Variants in GLOD4 observed in about 807,000 individuals in gnomAD.
GLOD4 encodes glyoxalase domain containing 4, also known as glyoxalase domain-containing protein 4.
A neutral mutation model predicts 39.1 loss-of-function variants in GLOD4; 44 were observed. The observed-to-expected ratio is 1.13, with a 90% CI of 0.88 to 1.45. The LOEUF is 1.45. Ranked by LOEUF, GLOD4 falls within the 40% of genes most tolerant of loss-of-function variation. The pLI is 0.00. For synonymous variants in GLOD4, 145 were observed against 135.0 expected, an observed-to-expected ratio of 1.07 and a Z score of -0.52; for missense variants, 405 against 366.4, an observed-to-expected ratio of 1.11 and a Z score of -0.86.
chr17:761,749 C>T (rs1430495574), intron 8 of GLOD4, among the ~76,000 whole-genome samples: 1 of 152,202 alleles, frequency 6.6e-6, no homozygotes, highest in Non-Finnish European at 1.5e-5. Flanking sequence ...GGTGAGCCAC[C>T]CGCCTTGGTC....
chr17:776,141 G>A (rs149924152), intron 3 of GLOD4, among the ~76,000 whole-genome samples: 1 of 152,330 alleles, frequency 6.6e-6, no homozygotes, highest in African/African-American at 2.4e-5. Flanking sequence ...TGAAATGCCA[G>A]TGAAGTCTGA....
At position 770,785 on chromosome 17, in the gene GLOD4, G is replaced by T. The variant is rs564036653; in HGVS notation, c.544-278C>A. ...TAATGTTACCATGTCAATACATAAAGATTTGCCTCAATCTTTTTGCTAGCG... is the reference window on the plus strand; with the variant it reads ...TAATGTTACCATGTCAATACATAAATATTTGCCTCAATCTTTTTGCTAGCG... On this transcript the variant is annotated intron_variant, in intron 5 of 8. Coordinates refer to ENST00000301329, the MANE Select transcript of GLOD4 (RefSeq NM_016080.4). 3 of 302,218 alleles carry T rather than the reference G, an allele frequency of 9.9e-6. No homozygotes were observed. The Admixed American group carries it at 1.4e-4, about 14-fold the overall frequency. 18.7% of individuals were successfully genotyped at this position (302,218 alleles called of 1,614,324 possible).
intron 1 of GLOD4, among the ~76,000 whole-genome samples, chr17:780,346 G>A (rs1909675396): frequency 6.6e-6 from 1 of 152,120 alleles, no homozygotes; most frequent in Non-Finnish European, 1.5e-5. Flanking sequence ...TAGCATTCAA[G>A]ATACTATTAG....
In GLOD4 at chr17:759,769, CACG is replaced by C. The variant is rs1905160891; in HGVS notation, c.*401_*403del. On this transcript the variant is annotated 3_prime_UTR_variant, in exon 9 of 9. Transcript: ENST00000301329. ...TATCGTCAGGCGCTGGGAATGGCAC[CACG>C]ACAAGGCATTAATGTGGATTCACTT... The C allele has an allele frequency of 6.2e-6, 1 of 161,922 alleles. No individual in the cohort carries two copies. Among genetic ancestry groups the C allele is most frequent in the South Asian group, 2.0e-4 (1 of 5,100 alleles). 10.0% of individuals were successfully genotyped at this position (161,922 alleles called of 1,614,324 possible).
At chr17:776,846 G>C in intron 3 of GLOD4, 22 bp downstream of exon 3, 1 of 1,602,894 alleles carries the variant, frequency 6.2e-7, no homozygotes, top group Non-Finnish European at 8.5e-7. Context: ...CCAAAACTCT[G>C]CTAGAAAAAA....
At chr17:764,762 C>T (rs933193034) in intron 8 of GLOD4, 1 of 151,240 alleles carries the variant, frequency 6.6e-6, no homozygotes, top group South Asian at 2.1e-4. Context: ...TAATCCCAGC[C>T]CTTTGGGAGG....
intron 8 of GLOD4, among the ~76,000 whole-genome samples, chr17:761,278 CAGTG>C (rs1813745703): frequency 6.6e-6 from 1 of 152,138 alleles, no homozygotes; most frequent in South Asian, 2.1e-4. Context: ...TATTTAGAAA[CAGTG>C]AAGGTGAAAG....
rs540390883 is a variant in GLOD4, at chr17:773,022, C to T, written c.407-1561G>A. Reference sequence around the variant, plus strand: ...AAAAAAAAAAAAAATTTCAACCCGACGCCCCCAAACAACAAAGAAATTAGA... The same window carrying T: ...AAAAAAAAAAAAAATTTCAACCCGATGCCCCCAAACAACAAAGAAATTAGA... On this transcript the variant is annotated intron_variant, in intron 4 of 8. Coordinates refer to ENST00000301329, the MANE Select transcript of GLOD4 (RefSeq NM_016080.4). 5.5e-4 allele frequency among the ~76,000 whole-genome samples: 83 copies of T among 151,938 alleles called. 1 individual carries two copies. The East Asian group carries it at 0.015, about 27-fold the overall frequency.
intron 8 of GLOD4, among the ~76,000 whole-genome samples, chr17:762,544 C>T (rs952892362): frequency 4.7e-5 from 7 of 147,432 alleles, no homozygotes; most frequent in South Asian, 2.2e-4. Context: ...ATTTCATCAC[C>T]ATCCAGGCCC....
chr17:766,840 A>G (rs994463376), intron 8 of GLOD4, among the ~76,000 whole-genome samples: 4 of 152,240 alleles, frequency 2.6e-5, no homozygotes, highest in African/African-American at 4.8e-5. Flanking sequence ...CGAAGGTTGC[A>G]GTGAGGCAAG....
chr17:765,981 G>A (rs1250399081), intron 8 of GLOD4, among the ~76,000 whole-genome samples: 15 of 151,508 alleles, frequency 9.9e-5, no homozygotes, highest in Admixed American at 2.6e-4. Flanking sequence ...TGGCAGGATC[G>A]CTAACAGCAG....
Position 771,480 on chromosome 17 carries a change from G to A in GLOD4, c.407-19C>T. The A allele has an allele frequency of 7.0e-7, 1 of 1,434,154 alleles. No homozygotes were observed. The allele number at this position is 1,434,154 out of a possible 1,614,324, so 88.8% of individuals were successfully genotyped here. A position where few individuals can be genotyped will look rare whatever the true frequency, so the allele number is the denominator to read the frequency against. On this transcript the variant is annotated intron_variant, in intron 4 of 8. Transcript: ENST00000301329. The stretch of plus-strand genomic sequence containing the variant: ...ACAGGATCTGTTGGGTAATAAAGCA[G>A]GAATAGACAGATCAATTTAATAGAA...
chr17:776,227 C>T (rs1305959626), intron 3 of GLOD4, among the ~76,000 whole-genome samples: 1 of 152,306 alleles, frequency 6.6e-6, no homozygotes, highest in African/African-American at 2.4e-5. Context: ...CCTGGGTCTG[C>T]CAGCTAGCTA....
At chr17:761,092 C>T (rs550701696) in intron 8 of GLOD4, among the ~76,000 whole-genome samples, 13 of 152,208 alleles carry the variant, frequency 8.5e-5, no homozygotes, top group African/African-American at 2.4e-4. Context: ...CAGAGACAGT[C>T]GGAAGCTTTG....
upstream of GLOD4, among the ~76,000 whole-genome samples, chr17:784,303 A>G (rs1414739593): frequency 6.6e-6 from 1 of 152,204 alleles, no homozygotes; most frequent in Non-Finnish European, 1.5e-5. Flanking sequence ...GTGCCTCTGC[A>G]CTCAGAGCTC....
chr17:782,454 G>T (rs750161405), upstream of GLOD4: 1 of 1,613,938 alleles, frequency 6.2e-7, no homozygotes, highest in East Asian at 2.2e-5. Flanking sequence ...GGACCTTGAC[G>T]CGAGGCGCTG....
chr17:784,079 G>A (rs1448130869), upstream of GLOD4, among the ~76,000 whole-genome samples: 1 of 152,212 alleles, frequency 6.6e-6, no homozygotes, highest in South Asian at 2.1e-4. Flanking sequence ...CTTCTAGTCT[G>A]TTCCTTCATT....
chr17:782,391 G>C, upstream of GLOD4: 1 of 1,613,740 alleles, frequency 6.2e-7, no homozygotes, highest in Non-Finnish European at 8.5e-7. Flanking sequence ...GGCGGCGCTG[G>C]TGAGACCCGC....
chr17:763,152 C>T (rs1296208069), intron 8 of GLOD4, among the ~76,000 whole-genome samples: 6 of 142,030 alleles, frequency 4.2e-5, no homozygotes, highest in South Asian at 2.3e-4. Flanking sequence ...CACTGCACTC[C>T]AGCCTGGGCG....
Sources: gnomAD v4.1 joint callset for allele counts (sites outside exome capture counted in the v4.1 genomes callset) on GRCh38, gnomAD v4.1.1 for gene constraint, MANE v1.5 for transcripts, NCBI Gene and HGNC (gene_info 2026-07-23, HGNC 2026-07-21) for gene names.